Variants in CEBPZOS observed in about 807,000 individuals in gnomAD.
The protein encoded by CEBPZOS is protein CEBPZOS.
A neutral mutation model predicts 4.8 loss-of-function variants in CEBPZOS; 10 were observed. The ratio of observed to expected loss-of-function variants is 2.07; its 90% CI spans 1.28 to 3.52. The LOEUF is 3.52. Among genes scored for constraint, CEBPZOS ranks in the 30% most tolerant of loss-of-function variants. CEBPZOS has a pLI of 0.00. For synonymous variants in CEBPZOS, 25 were observed against 14.2 expected, an observed-to-expected ratio of 1.77 and a Z score of -1.72; for missense variants, 98 against 43.6, an observed-to-expected ratio of 2.25 and a Z score of -3.51.
At chr2:37,210,993 T>C (rs748864469) in intron 4 of CEBPZOS, 6 of 1,598,150 alleles carry the variant, frequency 3.8e-6, no homozygotes, top group Non-Finnish European at 1.7e-6. Flanking sequence ...AAATGTATTT[T>C]CTTACCTTGA....
chr2:37,200,588 A>G (rs1329158548), intron 2 of CEBPZOS, among the ~76,000 whole-genome samples: 1 of 152,122 alleles, frequency 6.6e-6, no homozygotes, highest in East Asian at 1.9e-4. Context: ...TAATTCCAGC[A>G]CTTCGGGAGG....
downstream of CEBPZOS, among the ~76,000 whole-genome samples, chr2:37,207,944 CAATT>C (rs1677594168): frequency 6.6e-6 from 1 of 151,906 alleles, no homozygotes; most frequent in African/African-American, 2.4e-5. Flanking sequence ...TGAATAAGCT[CAATT>C]AGAGACGAAA....
At position 37,201,093 on chromosome 2, in the gene CEBPZOS, G is replaced by A. The variant is rs1677206573; in HGVS notation, c.160+1G>A. 1.4e-6 allele frequency: 1 copy of A among 714,682 alleles called. No individual in the cohort carries two copies. The highest frequency in any genetic ancestry group is 2.7e-5 in the East Asian group (1 of 37,212). 44.3% of individuals were successfully genotyped at this position (714,682 alleles called of 1,614,324 possible). A position where few individuals can be genotyped will look rare whatever the true frequency, so the allele number is the denominator to read the frequency against. On this transcript the variant is annotated splice_donor_variant, in intron 3 of 4. Coordinates refer to ENST00000402297, the MANE Select transcript of CEBPZOS (RefSeq NM_001322374.2). LOFTEE classifies it high-confidence loss of function. ...AAGAAATATCCCTTCATCTTGGAAG[G>A]TATGTTTTTCCTTAAGTAAAAATAA...
chr2:37,205,293 G>A (rs146703666), downstream of CEBPZOS, among the ~76,000 whole-genome samples: 3 of 152,226 alleles, frequency 2.0e-5, no homozygotes, highest in African/African-American at 7.2e-5. Context: ...CCAGATGGTC[G>A]GTTCCTGCCT....
At chr2:37,205,790 G>A (rs754969392), downstream of CEBPZOS, among the ~76,000 whole-genome samples, 2 of 152,194 alleles carry the variant, frequency 1.3e-5, no homozygotes, top group African/African-American at 4.8e-5. Context: ...ACCTGATACA[G>A]CACTTTTTTC....
intron 4 of CEBPZOS, chr2:37,212,625 T>C: frequency 1.9e-6 from 1 of 531,442 alleles, no homozygotes; most frequent in Non-Finnish European, 3.3e-6. Context: ...TTCGGCTCTT[T>C]CTACAGTTCT....
chr2:37,200,901 C>T (rs1229956459), intron 2 of CEBPZOS, 147 bp from the exon 3 acceptor site: 10 of 574,760 alleles, frequency 1.7e-5, no homozygotes, highest in African/African-American at 1.9e-5. Context: ...GGAGATCGTT[C>T]CTGGATTACC....
chr2:37,215,517 G>C (rs1677846481), downstream of CEBPZOS: 1 of 152,352 alleles, frequency 6.6e-6, no homozygotes, highest in African/African-American at 2.4e-5. Flanking sequence ...TACTAACTGT[G>C]GGTAAGTCCT....
downstream of CEBPZOS, among the ~76,000 whole-genome samples, chr2:37,208,035 A>T (rs1025887196): frequency 2.1e-4 from 32 of 152,166 alleles, no homozygotes; most frequent in African/African-American, 7.7e-4. Context: ...ATGCACAAAA[A>T]CTAGAAAACC....
intron 1 of CEBPZOS, chr2:37,197,266 TG>T (rs1676990258): frequency 6.6e-6 from 1 of 152,238 alleles, no homozygotes; most frequent in Admixed American, 6.5e-5. Context: ...GTATCCCTGG[TG>T]GTCTGTAGCA....
At chr2:37,200,565 T>G (rs1286504263) in intron 2 of CEBPZOS, among the ~76,000 whole-genome samples, 1 of 152,244 alleles carries the variant, frequency 6.6e-6, no homozygotes, top group East Asian at 1.9e-4. Context: ...CTGGGTGTGA[T>G]GGCTTGCACT....
downstream of CEBPZOS, chr2:37,213,924 G>A (rs372639283): frequency 7.6e-6 from 12 of 1,588,648 alleles, no homozygotes; most frequent in East Asian, 2.3e-5. Context: ...TCTGCATCCC[G>A]TTTTTGTTTC....
intron 2 of CEBPZOS, among the ~76,000 whole-genome samples, chr2:37,200,734 G>A (rs974067874): frequency 6.6e-6 from 1 of 151,474 alleles, no homozygotes; most frequent in African/African-American, 2.4e-5. Context: ...GAGGTAGGAG[G>A]CTCCCCTGAG....
In CEBPZOS at chr2:37,202,092, AAG is replaced by A. The variant is rs1200697042; in HGVS notation, c.*234_*235del. On this transcript the variant is annotated 3_prime_UTR_variant, in exon 5 of 5. Transcript: ENST00000402297. ...TATTGTCAAAGATAAATGTTTCAAA[AAG>A]AAATGACTAAGGAAGGAAAAGAAAC... is the stretch of plus-strand genomic sequence containing the variant. The A allele has an allele frequency of 2.4e-6, 1 of 409,970 alleles. No individual in the cohort carries two copies. Among genetic ancestry groups the A allele is most frequent in the African/African-American group, 2.0e-5 (1 of 48,852 alleles). The allele number at this position is 409,970 out of a possible 1,614,324, so 25.4% of individuals were successfully genotyped here. A position where few individuals can be genotyped will look rare whatever the true frequency, so the allele number is the denominator to read the frequency against.
At chr2:37,207,428 A>G (rs542512466), downstream of CEBPZOS, among the ~76,000 whole-genome samples, 5 of 152,352 alleles carry the variant, frequency 3.3e-5, no homozygotes, top group South Asian at 1.0e-3. Flanking sequence ...AATAAACTTA[A>G]GAAAACTGAA....
rs769916632 is a variant in CEBPZOS at position 37,201,790 on chromosome 2, G to A, written c.*2+64G>A. 1.3e-5 allele frequency: 20 copies of A among 1,504,070 alleles called. 1 individual carries two copies. In the South Asian group the frequency reaches 2.3e-4, roughly 17 times the overall value. The allele number at this position is 1,504,070 out of a possible 1,614,324, so 93.2% of individuals were successfully genotyped here. The stretch of plus-strand genomic sequence containing the variant: ...CATTTCCTTTGTTTTTTAGTTTTTT[G>A]AGTGGTTTTAATCCTCTTCTTTTTA... On this transcript the variant is annotated intron_variant, in intron 4 of 4. Transcript: ENST00000402297.
At position 37,203,313 on chromosome 2, in the gene CEBPZOS, T is replaced by A. The variant is rs1211380210; in HGVS notation, c.*1453T>A. On this transcript the variant is annotated 3_prime_UTR_variant, in exon 5 of 5. Coordinates refer to ENST00000402297, the MANE Select transcript of CEBPZOS (RefSeq NM_001322374.2). ...AACATAGTATCAAGCAATAGTAAAA[T>A]TATCAGTTTGACATGGATGGGTTTT... 1 of 189,824 alleles carries A rather than the reference T, an allele frequency of 5.3e-6. No homozygotes were observed. The allele number at this position is 189,824 out of a possible 1,614,324, so 11.8% of individuals were successfully genotyped here. A position where few individuals can be genotyped will look rare whatever the true frequency, so the allele number is the denominator to read the frequency against.
downstream of CEBPZOS, chr2:37,213,883 T>A (rs1164059683): frequency 1.9e-6 from 3 of 1,607,962 alleles, no homozygotes; most frequent in African/African-American, 2.7e-5. Context: ...CTTCAAATTC[T>A]TCATCATCCA....
intron 4 of CEBPZOS, chr2:37,212,160 CAGAGT>C: frequency 9.9e-7 from 1 of 1,006,970 alleles, no homozygotes; most frequent in South Asian, 1.6e-5. Context: ...GCAGACTGCT[CAGAGT>C]AAATAATAAC....
Sources: allele counts gnomAD v4.1 joint callset (sites outside exome capture counted in the v4.1 genomes callset), GRCh38; gene constraint gnomAD v4.1.1; transcripts MANE v1.5; gene names NCBI Gene and HGNC (gene_info 2026-07-23, HGNC 2026-07-21).